Variants in CD247 observed in about 807,000 individuals in gnomAD.
The protein encoded by CD247 is CD247 molecule.
A neutral mutation model predicts 30.0 loss-of-function variants in CD247; 13 were observed. The observed-to-expected ratio is 0.43, with a 90% CI of 0.28 to 0.69. The LOEUF (loss-of-function observed/expected upper bound fraction) is 0.69. Among genes scored for constraint, CD247 ranks in the 30% least tolerant of loss-of-function variants. CD247 has a pLI of 0.16. For synonymous variants in CD247, 72 were observed against 80.0 expected (o/e 0.90, Z 0.53); for missense variants, 193 against 212.6 (o/e 0.91, Z 0.57).
At chr1:167,452,904 C>T (rs916619852) in intron 1 of CD247, among the ~76,000 whole-genome samples, 4 of 151,686 alleles carry the variant, frequency 2.6e-5, no homozygotes, top group African/African-American at 9.7e-5. Context: ...CACACACTTG[C>T]ATACATATGT....
At chr1:167,468,918 G>T (rs964234773) in intron 1 of CD247, among the ~76,000 whole-genome samples, 6 of 151,408 alleles carry the variant, frequency 4.0e-5, no homozygotes, top group Non-Finnish European at 8.8e-5. Context: ...GCAGGGAAAG[G>T]AAGCTACATT....
At chr1:167,476,506 TA>T (rs1653753259) in intron 1 of CD247, among the ~76,000 whole-genome samples, 1 of 152,198 alleles carries the variant, frequency 6.6e-6, no homozygotes, top group African/African-American at 2.4e-5. Flanking sequence ...TCTCTGTGAT[TA>T]AAATAACAAT....
chr1:167,439,851 G>T (rs772550973), intron 2 of CD247: 64 of 175,596 alleles, frequency 3.6e-4, no homozygotes, highest in Non-Finnish European at 6.7e-4. Flanking sequence ...CACTCGCCCA[G>T]CCCTCAGCCA....
At chr1:167,452,213 G>A (rs552071605) in intron 1 of CD247, among the ~76,000 whole-genome samples, 3 of 150,342 alleles carry the variant, frequency 2.0e-5, no homozygotes, top group South Asian at 4.3e-4. Flanking sequence ...CAACAAGAGC[G>A]AAACTCCATC....
chr1:167,495,720 C>T (rs1040095095), intron 1 of CD247, among the ~76,000 whole-genome samples: 14 of 152,198 alleles, frequency 9.2e-5, no homozygotes, highest in Non-Finnish European at 1.6e-4. Flanking sequence ...CTGGCCTTCC[C>T]CTCACTCATA....
intron 1 of CD247, among the ~76,000 whole-genome samples, chr1:167,476,403 C>T (rs1194781986): frequency 6.6e-6 from 1 of 152,210 alleles, no homozygotes; most frequent in Admixed American, 6.5e-5. Flanking sequence ...TACTTAATCT[C>T]TTAATTTTCT....
At chr1:167,501,623 C>G (rs898629797) in intron 1 of CD247, among the ~76,000 whole-genome samples, 1 of 152,250 alleles carries the variant, frequency 6.6e-6, no homozygotes, top group African/African-American at 2.4e-5. Flanking sequence ...GTGTCTCTTT[C>G]AAGGAGAACG....
chr1:167,494,042 G>T lies in CD247; in HGVS notation c.58+24366C>A. The stretch of plus-strand genomic sequence containing the variant: ...TTCTCAGGGCTCTGCTGAGTTGGGT[G>T]GGGGAGGCTGGAGGCTGCAAAATGA... On this transcript the variant is annotated intron_variant, in intron 1 of 7. Coordinates refer to ENST00000362089, the MANE Select transcript of CD247 (RefSeq NM_198053.3). The surrounding 1 kb of genome is among the most constrained non-coding windows in gnomAD (Gnocchi z 7.3). Among the ~76,000 whole-genome samples, 1 of 147,288 alleles carries T rather than the reference G, an allele frequency of 6.8e-6. No individual in the cohort carries two copies. The highest frequency in any genetic ancestry group is 2.1e-4 in the South Asian group (1 of 4,810).
chr1:167,456,340 G>T (rs1021565621), intron 1 of CD247, among the ~76,000 whole-genome samples: 2 of 152,158 alleles, frequency 1.3e-5, no homozygotes, highest in Admixed American at 1.3e-4. Flanking sequence ...TGGCTGAGTT[G>T]ACAGCCACTG....
At chr1:167,511,535 T>C (rs548517913) in intron 1 of CD247, among the ~76,000 whole-genome samples, 3 of 152,178 alleles carry the variant, frequency 2.0e-5, no homozygotes, top group Non-Finnish European at 4.4e-5. Flanking sequence ...CATAATACGT[T>C]CTAGAAAAAC....
intron 1 of CD247, among the ~76,000 whole-genome samples, chr1:167,501,844 C>T (rs142756388): frequency 3.3e-5 from 5 of 152,310 alleles, no homozygotes; most frequent in East Asian, 1.9e-4. Flanking sequence ...TATGTGGAGC[C>T]GAGATGTCAG....
At chr1:167,516,617 G>A (rs747801738) in intron 1 of CD247, among the ~76,000 whole-genome samples, 1 of 152,146 alleles carries the variant, frequency 6.6e-6, no homozygotes, top group Non-Finnish European at 1.5e-5. Context: ...TCTGAGTCGC[G>A]CTTTGCCTTA....
intron 1 of CD247, among the ~76,000 whole-genome samples, chr1:167,455,676 C>A (rs992697206): frequency 6.6e-6 from 1 of 152,242 alleles, no homozygotes; most frequent in African/African-American, 2.4e-5. Context: ...CGCCCGCCCC[C>A]ACTTGCGGTC....
chr1:167,501,129 A>G (rs966752330), intron 1 of CD247, among the ~76,000 whole-genome samples: 1 of 143,334 alleles, frequency 7.0e-6, no homozygotes, highest in African/African-American at 2.6e-5. Flanking sequence ...ATCTCGGCTC[A>G]CCACAACCTC....
rs34413877 is a variant in CD247, at chr1:167,486,355, G to A, written c.58+32053C>T. 4.2e-3 allele frequency among the ~76,000 whole-genome samples: 641 copies of A among 152,342 alleles called. 4 individuals carry two copies. Among genetic ancestry groups the A allele is most frequent in the African/African-American group, 0.015 (610 of 41,568 alleles). ...AGGAAGTGCTGCGGGACATGAGCAG[G>A]TCACTTAACCTCTCAGAGCACTGGA... On this transcript the variant is annotated intron_variant, in intron 1 of 7. Transcript: ENST00000362089.
At chr1:167,441,322 C>G (rs886566067) in intron 1 of CD247, among the ~76,000 whole-genome samples, 2 of 152,216 alleles carry the variant, frequency 1.3e-5, no homozygotes, top group African/African-American at 4.8e-5. Context: ...AGCACTCTCC[C>G]GCCTAGGACA....
chr1:167,471,831 C>CTTTTT (rs111891678), intron 1 of CD247, among the ~76,000 whole-genome samples: 223 of 117,156 alleles, frequency 1.9e-3, no homozygotes, highest in Non-Finnish European at 2.5e-3. Flanking sequence ...CTGTTTCTTT[C>CTTTTT]TTTTTTTTTT....
intron 1 of CD247, among the ~76,000 whole-genome samples, chr1:167,492,573 T>C (rs1243837893): frequency 6.6e-6 from 1 of 152,188 alleles, no homozygotes; most frequent in Non-Finnish European, 1.5e-5. Context: ...GAGGGGAATT[T>C]TCCTTTCTGG....
chr1:167,496,404 A>T (rs562586605), intron 1 of CD247, among the ~76,000 whole-genome samples: 2 of 152,306 alleles, frequency 1.3e-5, no homozygotes, highest in Non-Finnish European at 2.9e-5. Context: ...GTCACACAAG[A>T]ATCACTAGAG....
Sources: gnomAD v4.1 joint callset for allele counts (sites outside exome capture counted in the v4.1 genomes callset) on GRCh38, gnomAD v4.1.1 for gene constraint, Gnocchi (gnomAD v3.1) non-coding constraint, MANE v1.5 for transcripts, NCBI Gene and HGNC (gene_info 2026-07-23, HGNC 2026-07-21) for gene names.